ITPR1: variants seen among roughly 807,000 people sequenced by gnomAD.
The protein encoded by ITPR1 is inositol 1,4,5-trisphosphate-gated calcium channel ITPR1.
Under a neutral mutation model 318.4 loss-of-function variants are expected in ITPR1, and 96 were observed. The observed-to-expected ratio is 0.30, with a 90% CI of 0.26 to 0.36. The LOEUF is 0.36. Ranked by LOEUF, ITPR1 falls within the 10% of genes least tolerant of loss-of-function variation. The pLI is 1.00. For missense variants in ITPR1, 2,440 were observed against 3,460.2 expected, an observed-to-expected ratio of 0.71 and a Z score of 7.40; for synonymous variants, 1,312 against 1,289.9, an observed-to-expected ratio of 1.02 and a Z score of -0.37.
intron 51 of ITPR1, among the ~76,000 whole-genome samples, chr3:4,785,644 C>G (rs568482455): frequency 1.1e-4 from 17 of 152,292 alleles, no homozygotes; most frequent in Admixed American, 1.1e-3. Flanking sequence ...AAAAGGCGAG[C>G]TTTAGATGTC....
At chr3:4,541,024 A>G (rs111818995) in intron 4 of ITPR1, among the ~76,000 whole-genome samples, 2,691 of 152,234 alleles carry the variant, frequency 0.018, 71 homozygotes, top group African/African-American at 0.061. Context: ...CCTAAAGTTT[A>G]TAACTATCAT....
At chr3:4,685,302 A>T (rs1425845260) in intron 30 of ITPR1, 96 bp downstream of exon 30, 2 of 1,250,000 alleles carry the variant, frequency 1.6e-6, no homozygotes, top group Non-Finnish European at 2.1e-6. Context: ...TAGTGAAGAA[A>T]TGCATCCAGT....
intron 7 of ITPR1, among the ~76,000 whole-genome samples, chr3:4,642,653 G>A (rs1450856706): frequency 6.6e-6 from 1 of 152,218 alleles, no homozygotes; most frequent in Non-Finnish European, 1.5e-5. Context: ...TAGTAAAGAA[G>A]GAGAGTAGAA....
At chr3:4,585,802 G>C (rs1360891462) in intron 4 of ITPR1, among the ~76,000 whole-genome samples, 1 of 151,754 alleles carries the variant, frequency 6.6e-6, no homozygotes, top group African/African-American at 2.4e-5. Flanking sequence ...TAAGTTCTGG[G>C]TTACATGTGC....
chr3:4,809,200 G>A (rs1382339107), intron 55 of ITPR1, among the ~76,000 whole-genome samples: 2 of 152,084 alleles, frequency 1.3e-5, no homozygotes, highest in African/African-American at 4.8e-5. Flanking sequence ...GAAAGCAGCA[G>A]GCAAAATGTT....
chr3:4,791,374 C>T (rs968437352), intron 52 of ITPR1, among the ~76,000 whole-genome samples: 1 of 152,142 alleles, frequency 6.6e-6, no homozygotes, highest in East Asian at 1.9e-4. Context: ...TGAAACTGTC[C>T]CACCTCAGAT....
At chr3:4,845,794 A>G (rs145334945) in intron 61 of ITPR1, among the ~76,000 whole-genome samples, 7 of 152,278 alleles carry the variant, frequency 4.6e-5, no homozygotes, top group African/African-American at 1.2e-4. Flanking sequence ...TGTTGTTACT[A>G]TCGTACAAAG....
chr3:4,623,515 A>G (rs574622561), intron 4 of ITPR1, among the ~76,000 whole-genome samples: 69 of 152,292 alleles, frequency 4.5e-4, no homozygotes, highest in African/African-American at 1.5e-3. Flanking sequence ...ATGCATACGC[A>G]CACATATGTA....
At chr3:4,825,475 T>G (rs561963875) in intron 60 of ITPR1, among the ~76,000 whole-genome samples, 1 of 152,306 alleles carries the variant, frequency 6.6e-6, no homozygotes, top group East Asian at 1.9e-4. Context: ...CAAAAGAGCC[T>G]TTTTGCCTGA....
At chr3:4,839,414 T>TA (rs1296444244) in intron 61 of ITPR1, among the ~76,000 whole-genome samples, 1 of 152,152 alleles carries the variant, frequency 6.6e-6, no homozygotes, top group African/African-American at 2.4e-5. Context: ...TTGATGAGGA[T>TA]ACCAAAGGAG....
chr3:4,770,667 C>T (rs1187319060), intron 46 of ITPR1, among the ~76,000 whole-genome samples: 1 of 152,164 alleles, frequency 6.6e-6, no homozygotes, highest in African/African-American at 2.4e-5. Flanking sequence ...GGGATCTCAG[C>T]CATCGGTTTC....
Position 4,691,208 on chromosome 3 carries a change from A to C in ITPR1, c.3893A>C (p.Asn1298Thr), listed in dbSNP as rs757563485. 1.2e-6 allele frequency: 2 copies of C among 1,613,402 alleles called. No homozygotes were observed. The highest frequency in any genetic ancestry group is 1.3e-5 in the African/African-American group (1 of 75,054). Residue 1298 changes from asparagine to threonine, a missense_variant, in exon 32 of 62, where the codon AAC (asparagine) becomes ACC (threonine). Asn to Thr is a moderately conservative substitution (Grantham distance 65). Transcript: ENST00000649015. ...MNNFQLCSEI[N>T]ERVVQHFVHC... ...AATTTCCAGCTTTGCAGTGAGATCA[A>C]CGAGAGAGTTGTTCAGCACTTCGTT...
In ITPR1 at chr3:4,521,230, T is replaced by C. The variant is rs565730057; in HGVS notation, c.163+136T>C. On this transcript the variant is annotated intron_variant, in intron 4 of 61. Coordinates refer to ENST00000649015, the MANE Select transcript of ITPR1 (RefSeq NM_001378452.1). ...ATTTTTTTCAGAGTATGATTTGAGT[T>C]CTAAGCTTTACAACTTGAAAAATGC... 1.0e-4 allele frequency: 67 copies of C among 654,246 alleles called. No homozygotes were observed. In the African/African-American group the frequency reaches 1.2e-3, roughly 12 times the overall value. 40.5% of individuals were successfully genotyped at this position (654,246 alleles called of 1,614,324 possible). A position where few individuals can be genotyped will look rare whatever the true frequency, so the allele number is the denominator to read the frequency against.
At chr3:4,777,715 C>T (rs112120533) in intron 48 of ITPR1, among the ~76,000 whole-genome samples, 2 of 151,590 alleles carry the variant, frequency 1.3e-5, no homozygotes, top group South Asian at 2.1e-4. Flanking sequence ...CATTCCCTCT[C>T]TGGTTTCTGA....
chr3:4,800,673 G>C, intron 54 of ITPR1, 73 bp downstream of exon 54: 1 of 1,468,558 alleles, frequency 6.8e-7, no homozygotes, highest in Non-Finnish European at 9.5e-7. Context: ...CTGGTTTCTA[G>C]AATCCTGGCC....
chr3:4,616,425 T>C (rs9828126), intron 4 of ITPR1, among the ~76,000 whole-genome samples: 1 of 152,194 alleles, frequency 6.6e-6, no homozygotes, highest in Non-Finnish European at 1.5e-5. Context: ...CCCTCTTCCC[T>C]GTGTTAATCA....
In ITPR1 at chr3:4,814,917, GT is replaced by G; in HGVS notation, c.7702-132del. On this transcript the variant is annotated intron_variant, in intron 58 of 61. Transcript: ENST00000649015. Reference sequence around the variant, plus strand: ...GACAGGGGACATGAAAAGAGATGCAGTTTTCAGTTTAAAAGTTGAATGCCCA... The same window carrying G: ...GACAGGGGACATGAAAAGAGATGCAGTTTCAGTTTAAAAGTTGAATGCCCA... 3 of 750,266 alleles carry G rather than the reference GT, an allele frequency of 4.0e-6. No individual in the cohort carries two copies. The Admixed American group carries it at 7.1e-5, about 18-fold the overall frequency. 46.5% of individuals were successfully genotyped at this position (750,266 alleles called of 1,614,324 possible). A position where few individuals can be genotyped will look rare whatever the true frequency, so the allele number is the denominator to read the frequency against.
chr3:4,707,605 T>G (rs2094787697), intron 37 of ITPR1, among the ~76,000 whole-genome samples: 1 of 152,186 alleles, frequency 6.6e-6, no homozygotes, highest in South Asian at 2.1e-4. Flanking sequence ...GGAGGGAATC[T>G]AGACCATCAT....
At chr3:4,575,146 C>T (rs1188948344) in intron 4 of ITPR1, among the ~76,000 whole-genome samples, 1 of 152,200 alleles carries the variant, frequency 6.6e-6, no homozygotes, top group African/African-American at 2.4e-5. Context: ...TTTCTACCTG[C>T]AAGAAGATCT....
Sources: allele counts gnomAD v4.1 joint callset (sites outside exome capture counted in the v4.1 genomes callset), GRCh38; gene constraint gnomAD v4.1.1; transcripts MANE v1.5; gene names NCBI Gene and HGNC (gene_info 2026-07-23, HGNC 2026-07-21).